The following PDE2A variants were observed in gnomAD, a reference collection of about 807,000 sequenced individuals.
PDE2A encodes the protein cGMP-dependent 3',5'-cyclic phosphodiesterase.
A neutral mutation model predicts 133.6 loss-of-function variants in PDE2A; 53 were observed. The observed-to-expected ratio is 0.40, with a 90% confidence interval of 0.32 to 0.50. PDE2A has a LOEUF of 0.50. PDE2A is among the 20% of genes least tolerant of loss of function. PDE2A has a pLI of 0.73. For synonymous variants in PDE2A, 491 were observed against 490.2 expected (o/e 1.00, Z -0.02); for missense variants, 796 against 1,232.4 (o/e 0.65, Z 5.30).
At chr11:72,604,184 C>A (rs1218176417) in intron 4 of PDE2A, among the ~76,000 whole-genome samples, 1 of 152,232 alleles carries the variant, frequency 6.6e-6, no homozygotes, top group Non-Finnish European at 1.5e-5. Flanking sequence ...AGGCAATGGC[C>A]ACATCCTTCA....
At chr11:72,635,860 G>T in intron 2 of PDE2A, 1 of 479,012 alleles carries the variant, frequency 2.1e-6, no homozygotes, top group Non-Finnish European at 2.9e-6. Context: ...TGATGTTGGG[G>T]CGATACTGCT....
At chr11:72,631,064 C>T (rs1858356272) in intron 2 of PDE2A, 3 of 1,546,088 alleles carry the variant, frequency 1.9e-6, no homozygotes, top group East Asian at 2.4e-5. Flanking sequence ...CTTCTCCCTC[C>T]ACTGAGCTCT....
intron 4 of PDE2A, among the ~76,000 whole-genome samples, chr11:72,601,018 C>T (rs552710430): frequency 2.0e-5 from 3 of 151,238 alleles, no homozygotes; most frequent in South Asian, 2.1e-4. Context: ...GTGTCCTTCT[C>T]GCGTTCTCTA....
intron 1 of PDE2A, among the ~76,000 whole-genome samples, chr11:72,665,310 C>T (rs565509893): frequency 3.9e-5 from 6 of 152,216 alleles, no homozygotes; most frequent in South Asian, 4.1e-4. Flanking sequence ...GATATGCCTC[C>T]CTGCTCCTTC....
At chr11:72,589,129 G>T (rs1324035893) in intron 12 of PDE2A, 46 bp downstream of exon 12, 1 of 1,531,080 alleles carries the variant, frequency 6.5e-7, no homozygotes, top group Non-Finnish European at 9.0e-7. Flanking sequence ...GGGGCTGGCA[G>T]TGGGGTCTCC....
At chr11:72,656,613 AT>A (rs1317424070) in intron 1 of PDE2A, among the ~76,000 whole-genome samples, 2 of 151,976 alleles carry the variant, frequency 1.3e-5, no homozygotes, top group Admixed American at 6.6e-5. Context: ...AGAAAGGACT[AT>A]CGGCATAGCC....
chr11:72,627,437 A>T (rs1858137986), intron 2 of PDE2A, among the ~76,000 whole-genome samples: 1 of 152,228 alleles, frequency 6.6e-6, no homozygotes, highest in Non-Finnish European at 1.5e-5. Context: ...GTGACATTTC[A>T]TCTGGGCCTT....
At chr11:72,603,279 T>A (rs542843848) in intron 4 of PDE2A, among the ~76,000 whole-genome samples, 2 of 99,220 alleles carry the variant, frequency 2.0e-5, no homozygotes, top group South Asian at 6.3e-4. Context: ...GAATATTCAC[T>A]TTTAATTGCT....
At position 72,589,044 on chromosome 11, in the gene PDE2A, G is replaced by A. The variant is rs989825313; in HGVS notation, c.940-130C>T. 6 of 1,230,854 alleles carry A rather than the reference G, an allele frequency of 4.9e-6. No individual in the cohort carries two copies. The African/African-American group carries it at 5.9e-5, about 12-fold the overall frequency. The allele number at this position is 1,230,854 out of a possible 1,614,324, so 76.2% of individuals were successfully genotyped here. ...AAGGCTGGAAGCTCTGTGTCATGGA[G>A]ATGGGACAGTAGAAAGTCCCCAGGT... is the stretch of plus-strand genomic sequence containing the variant. On this transcript the variant is annotated intron_variant, in intron 12 of 30. Transcript: ENST00000334456.
chr11:72,612,712 G>T (rs1303015276), intron 2 of PDE2A, among the ~76,000 whole-genome samples: 1 of 151,402 alleles, frequency 6.6e-6, no homozygotes, highest in African/African-American at 2.4e-5. Context: ...TGGGTGGATA[G>T]GTAGATGGGT....
intron 1 of PDE2A, chr11:72,657,711 T>C (rs1854936931): frequency 6.8e-6 from 3 of 442,924 alleles, no homozygotes; most frequent in South Asian, 1.6e-5. Context: ...CCACTGGACA[T>C]AGGCGTCTTA....
In PDE2A at chr11:72,590,071, G is replaced by T; in HGVS notation, c.757-90C>A. The T allele has an allele frequency of 7.1e-7, 1 of 1,407,346 alleles. No homozygotes were observed. Among genetic ancestry groups the T allele is most frequent in the Non-Finnish European group, 9.8e-7 (1 of 1,021,178 alleles). The allele number at this position is 1,407,346 out of a possible 1,614,324, so 87.2% of individuals were successfully genotyped here. A position where few individuals can be genotyped will look rare whatever the true frequency, so the allele number is the denominator to read the frequency against. Reference sequence around the variant, plus strand: ...CTCCCCTCTCCGGGGCTCTTCAGGCGGGTGGAGGAGAGAGGAAGGAAGGAC... The same window carrying T: ...CTCCCCTCTCCGGGGCTCTTCAGGCTGGTGGAGGAGAGAGGAAGGAAGGAC... On this transcript the variant is annotated intron_variant, in intron 9 of 30. Coordinates refer to ENST00000334456, the MANE Select transcript of PDE2A (RefSeq NM_002599.5). The surrounding 1 kb of genome is among the most constrained non-coding windows in gnomAD (Gnocchi z 4.8).
At chr11:72,643,444 C>G (rs1041855451) in intron 1 of PDE2A, 1 of 152,342 alleles carries the variant, frequency 6.6e-6, no homozygotes, top group Non-Finnish European at 1.5e-5. Flanking sequence ...TCCCCTCCCC[C>G]CACTTCCTGG....
intron 2 of PDE2A, among the ~76,000 whole-genome samples, chr11:72,616,753 A>AC (rs1301948051): frequency 6.6e-6 from 1 of 152,146 alleles, no homozygotes; most frequent in East Asian, 1.9e-4. Flanking sequence ...GATCATCTCC[A>AC]CGTGCAGACC....
intron 2 of PDE2A, among the ~76,000 whole-genome samples, chr11:72,625,311 G>A (rs891491749): frequency 9.8e-5 from 15 of 152,334 alleles, no homozygotes; most frequent in Admixed American, 2.0e-4. Flanking sequence ...GATCAGCTCC[G>A]GGCCTCGCCC....
At chr11:72,639,715 G>A (rs566431038) in intron 2 of PDE2A, among the ~76,000 whole-genome samples, 4 of 152,234 alleles carry the variant, frequency 2.6e-5, no homozygotes, top group East Asian at 1.9e-4. Context: ...CCTGTCCAGC[G>A]CCTGCTCCGC....
At chr11:72,598,448 C>A (rs916030193) in intron 4 of PDE2A, 64 of 1,203,938 alleles carry the variant, frequency 5.3e-5, no homozygotes, top group Admixed American at 2.1e-4. Context: ...TCTCTCTGTC[C>A]CACCACACAA....
chr11:72,596,001 C>A (rs1217786966), intron 6 of PDE2A, among the ~76,000 whole-genome samples: 1 of 152,188 alleles, frequency 6.6e-6, no homozygotes, highest in African/African-American at 2.4e-5. Flanking sequence ...GCCCCCCTAG[C>A]TGCCTGTCTT....
At chr11:72,631,874 C>T (rs936292344) in intron 2 of PDE2A, among the ~76,000 whole-genome samples, 1 of 152,174 alleles carries the variant, frequency 6.6e-6, no homozygotes, top group African/African-American at 2.4e-5. Flanking sequence ...GGCTCCTGCC[C>T]CTCCCCACCC....
Sources: allele counts gnomAD v4.1 joint callset (sites outside exome capture counted in the v4.1 genomes callset), GRCh38; gene constraint gnomAD v4.1.1; non-coding constraint Gnocchi (gnomAD v3.1); transcripts MANE v1.5; gene names NCBI Gene and HGNC (gene_info 2026-07-23, HGNC 2026-07-21).